Variants in POFUT4 observed in about 807,000 individuals in gnomAD.
POFUT4 encodes protein O-fucosyltransferase 4.
At chr10:73,775,469 C>T in the POFUT4 span, 2 of 1,613,790 alleles carry the variant, frequency 1.2e-6, no homozygotes, top group Admixed American at 3.3e-5. Flanking sequence ...TTTCTTTGGC[C>T]CCACTCGGAA....
the POFUT4 span, among the ~76,000 whole-genome samples, chr10:73,778,222 C>A: frequency 6.7e-6 from 1 of 148,332 alleles, no homozygotes; most frequent in Non-Finnish European, 1.5e-5. Context: ...CCACAAGTGG[C>A]TGGCTAAATA....
the POFUT4 span, chr10:73,772,866 C>T: frequency 3.1e-6 from 5 of 1,612,366 alleles, no homozygotes; most frequent in South Asian, 1.1e-5. Context: ...TCGGATTACC[C>T]GCTGTCGCTG....
chr10:73,773,483 A>C, the POFUT4 span: 24 of 1,614,078 alleles, frequency 1.5e-5, no homozygotes, highest in South Asian at 2.3e-4. Context: ...AGAAGCTGGC[A>C]GAGTTTATTG....
the POFUT4 span, chr10:73,772,702 C>CG: frequency 1.3e-6 from 2 of 1,579,648 alleles, no homozygotes; most frequent in Non-Finnish European, 1.7e-6. Flanking sequence ...TGCTCTTCTA[C>CG]GGCACAGACT....
At chr10:73,772,865 C>T in the POFUT4 span, 2 of 1,612,388 alleles carry the variant, frequency 1.2e-6, no homozygotes, top group South Asian at 1.1e-5. Context: ...CTCGGATTAC[C>T]CGCTGTCGCT....
chr10:73,777,704 G>A, the POFUT4 span, among the ~76,000 whole-genome samples: 3 of 151,876 alleles, frequency 2.0e-5, no homozygotes, highest in South Asian at 6.2e-4. Flanking sequence ...ACAGGCGCCC[G>A]TCACCACATC....
chr10:73,780,207 A>G, the POFUT4 span: 6 of 152,206 alleles, frequency 3.9e-5, no homozygotes, highest in Admixed American at 6.5e-5. Context: ...GTTATTTTCT[A>G]TTATCTCAGG....
At chr10:73,775,690 C>T in the POFUT4 span, 3 of 1,614,056 alleles carry the variant, frequency 1.9e-6, no homozygotes, top group Non-Finnish European at 2.5e-6. Context: ...CTCTAAGTGC[C>T]CTTGCAAGAG....
chr10:73,773,428 C>T, the POFUT4 span: 4 of 1,614,076 alleles, frequency 2.5e-6, no homozygotes, highest in African/African-American at 1.3e-5. Flanking sequence ...GACTGGATGC[C>T]GAACAATCAC....
chr10:73,772,869 T>C, the POFUT4 span: 1 of 1,612,344 alleles, frequency 6.2e-7, no homozygotes, highest in Non-Finnish European at 8.5e-7. Context: ...GATTACCCGC[T>C]GTCGCTGCAG....
At chr10:73,775,463 T>C in the POFUT4 span, 1 of 1,614,006 alleles carries the variant, frequency 6.2e-7, no homozygotes, top group Non-Finnish European at 8.5e-7. Flanking sequence ...TTAAGATTTC[T>C]TTGGCCCCAC....
the POFUT4 span, chr10:73,775,893 A>C: frequency 1.8e-6 from 1 of 567,888 alleles, no homozygotes; most frequent in East Asian, 2.9e-5. Context: ...ATGGAGGGAT[A>C]CAATTCTTGG....
At chr10:73,774,175 C>T in the POFUT4 span, 1 of 192,736 alleles carries the variant, frequency 5.2e-6, no homozygotes, top group African/African-American at 2.3e-5. Context: ...GGAGTTTGCA[C>T]TGCACTAAAA....
the POFUT4 span, chr10:73,772,753 G>C: frequency 1.2e-6 from 2 of 1,605,396 alleles, no homozygotes; most frequent in Non-Finnish European, 1.7e-6. Context: ...TGGCGCACCA[G>C]AGCTGGGCGC....
the POFUT4 span, chr10:73,772,641 G>T: frequency 6.4e-7 from 1 of 1,556,034 alleles, no homozygotes; most frequent in Non-Finnish European, 8.7e-7. Context: ...CGCGGCGCGT[G>T]CGTGGCGTCC....
chr10:73,773,484 G>A, the POFUT4 span: 2 of 1,614,234 alleles, frequency 1.2e-6, no homozygotes, highest in Non-Finnish European at 1.7e-6. Context: ...GAAGCTGGCA[G>A]AGTTTATTGA....
At chr10:73,772,996 A>G in the POFUT4 span, 2 of 1,594,764 alleles carry the variant, frequency 1.3e-6, no homozygotes, top group Non-Finnish European at 1.7e-6. Flanking sequence ...GCGACGTGCC[A>G]GCGGACCGGG....
the POFUT4 span, chr10:73,773,747 C>G: frequency 6.2e-7 from 1 of 1,613,696 alleles, no homozygotes; most frequent in Non-Finnish European, 8.5e-7. Flanking sequence ...TTGCCCAGCC[C>G]TCACACATGG....
chr10:73,772,788 A>G, the POFUT4 span: 30 of 1,611,056 alleles, frequency 1.9e-5, no homozygotes, highest in South Asian at 2.7e-4. Context: ...TCGCCCCTCA[A>G]CAACTTCTTG....
Sources: gnomAD v4.1 joint callset for allele counts (sites outside exome capture counted in the v4.1 genomes callset) on GRCh38, gnomAD v4.1.1 for gene constraint, MANE v1.5 for transcripts, NCBI Gene and HGNC (gene_info 2026-07-23, HGNC 2026-07-21) for gene names.